ZNF536: variants seen among roughly 807,000 people sequenced by gnomAD.
The protein encoded by ZNF536 is zinc finger protein 536.
ZNF536 carries 13 observed loss-of-function variants against 84.5 expected under a neutral mutation model. The ratio of observed to expected loss-of-function variants is 0.15; its 90% CI spans 0.10 to 0.24. The LOEUF (loss-of-function observed/expected upper bound fraction) is 0.24. ZNF536 is among the 10% of genes least tolerant of loss of function. The pLI, the probability that ZNF536 is intolerant of heterozygous loss-of-function variation, is 1.00. For missense variants in ZNF536, 1,536 were observed against 1,747.5 expected, an observed-to-expected ratio of 0.88 and a Z score of 2.16; for synonymous variants, 811 against 742.5, an observed-to-expected ratio of 1.09 and a Z score of -1.50.
intron 1 of ZNF536, among the ~76,000 whole-genome samples, chr19:30,621,432 C>A (rs909990615): frequency 6.6e-6 from 1 of 152,076 alleles, no homozygotes; most frequent in Admixed American, 6.6e-5. Context: ...AAGCCCAGCT[C>A]TTCTCAGTGG....
At chr19:30,662,822 T>C (rs78773558) in intron 1 of ZNF536, among the ~76,000 whole-genome samples, 3 of 151,926 alleles carry the variant, frequency 2.0e-5, no homozygotes, top group South Asian at 2.1e-4. Context: ...GCTTAGAAAA[T>C]AGACAAGGGT....
rs2052295468 is a variant in ZNF536, at chr19:30,445,677, C to T, written c.2115C>T (p.Ser705=). 2.5e-6 allele frequency: 4 copies of T among 1,604,798 alleles called. No individual in the cohort carries two copies. Among genetic ancestry groups the T allele is most frequent in the Non-Finnish European group, 3.4e-6 (4 of 1,175,072 alleles). The part of the protein sequence containing the change: ...TEESGVGGGL[S]QTGSAQEDSP... ...AGAGCGGGGTCGGAGGCGGCCTCTC[C>T]CAGACCGGGAGTGCCCAGGAGGACA... is the stretch of plus-strand genomic sequence containing the variant. The change falls in exon 2 of 5, where the codon TCC becomes TCT. Residue 705 remains serine (S), a synonymous_variant. Transcript: ENST00000355537. This position sits in a 1 kb window ranked among gnomAD's most constrained non-coding sequence, Gnocchi z 4.5.
chr19:30,244,331 T>G (rs2024130882), intron 1 of ZNF536, among the ~76,000 whole-genome samples: 1 of 152,070 alleles, frequency 6.6e-6, no homozygotes, highest in African/African-American at 2.4e-5. Context: ...TGCTGTTACA[T>G]TAAGGCCAAA....
chr19:30,643,216 C>A (rs1458236562), intron 1 of ZNF536, among the ~76,000 whole-genome samples: 1 of 152,148 alleles, frequency 6.6e-6, no homozygotes, highest in Non-Finnish European at 1.5e-5. Context: ...GTCCTCCATC[C>A]CAGCCTTGGC....
chr19:30,415,910 CA>C (rs1411267580), intron 1 of ZNF536, among the ~76,000 whole-genome samples: 1 of 152,122 alleles, frequency 6.6e-6, no homozygotes, highest in Non-Finnish European at 1.5e-5. Context: ...ATGCCCGGCC[CA>C]TCATCATCAT....
At chr19:30,524,395 T>G (rs1344762066) in intron 2 of ZNF536, among the ~76,000 whole-genome samples, 2 of 152,186 alleles carry the variant, frequency 1.3e-5, no homozygotes, top group African/African-American at 4.8e-5. Flanking sequence ...ACTCGGCTGG[T>G]TAAAGAGAAA....
At chr19:30,710,191 GA>G (rs915278845) in intron 1 of ZNF536, among the ~76,000 whole-genome samples, 4 of 152,168 alleles carry the variant, frequency 2.6e-5, no homozygotes, top group East Asian at 1.9e-4. Context: ...ACCCTTTATA[GA>G]AAAAAATTCA....
chr19:30,612,213 G>C (rs1464885033), intron 1 of ZNF536, among the ~76,000 whole-genome samples: 1 of 152,158 alleles, frequency 6.6e-6, no homozygotes, highest in Non-Finnish European at 1.5e-5. Flanking sequence ...ATTGTGAATG[G>C]GTGATTCGCT....
chr19:30,291,305 C>T (rs189985241), intron 2 of ZNF536, among the ~76,000 whole-genome samples: 6 of 152,320 alleles, frequency 3.9e-5, no homozygotes, highest in Non-Finnish European at 5.9e-5. Flanking sequence ...CTCCTACCAA[C>T]CATGTAAAAG....
rs577111818 is a variant in ZNF536, at chr19:30,229,139, G to GTGTTTGCC, written c.-190+473_-190+474insCTGTTTGC. ...TCTGCGTGTGCGTGTATGTATGTGT[G>GTGTTTGCC]TGTTTGCGCTGTGCTTTTAAACAGA... is the stretch of plus-strand genomic sequence containing the variant. On this transcript the variant is annotated intron_variant, in intron 1 of 5. Coordinates refer to the ZNF536 transcript ENST00000585628. Among the ~76,000 whole-genome samples, 27 of 152,274 alleles carry GTGTTTGCC rather than the reference G, an allele frequency of 1.8e-4. No homozygotes were observed. The East Asian group carries it at 5.0e-3, about 28-fold the overall frequency.
intron 2 of ZNF536, among the ~76,000 whole-genome samples, chr19:30,321,063 G>A (rs570059642): frequency 1.2e-4 from 19 of 152,250 alleles, no homozygotes; most frequent in African/African-American, 4.1e-4. Flanking sequence ...GGGCCCCCTC[G>A]CAGGCTCTGG....
At chr19:30,613,887 G>T (rs771475325) in intron 1 of ZNF536, among the ~76,000 whole-genome samples, 1 of 152,182 alleles carries the variant, frequency 6.6e-6, no homozygotes, top group Non-Finnish European at 1.5e-5. Context: ...TTCTGAGACA[G>T]TGTATCACTC....
chr19:30,282,425 G>A (rs1377249751), intron 1 of ZNF536, among the ~76,000 whole-genome samples: 2 of 152,204 alleles, frequency 1.3e-5, no homozygotes, highest in Non-Finnish European at 2.9e-5. Context: ...GCAGGAGACG[G>A]TGTTCTGATC....
intron 1 of ZNF536, among the ~76,000 whole-genome samples, chr19:30,706,715 G>A (rs1456524397): frequency 6.6e-6 from 1 of 152,040 alleles, no homozygotes; most frequent in Non-Finnish European, 1.5e-5. Flanking sequence ...TTACTCGAAA[G>A]ACTTGTCATA....
chr19:30,333,835 T>G (rs1346206731), intron 2 of ZNF536, among the ~76,000 whole-genome samples: 1 of 152,230 alleles, frequency 6.6e-6, no homozygotes, highest in East Asian at 1.9e-4. Flanking sequence ...TATGTTTATT[T>G]AACTGATGAC....
At chr19:30,361,233 G>A (rs1376954726) in intron 3 of ZNF536, among the ~76,000 whole-genome samples, 1 of 152,230 alleles carries the variant, frequency 6.6e-6, no homozygotes, top group Non-Finnish European at 1.5e-5. Flanking sequence ...GCACCCGACG[G>A]GAGAACTCTC....
intron 1 of ZNF536, among the ~76,000 whole-genome samples, chr19:30,247,249 G>A (rs377613862): frequency 2.8e-4 from 43 of 152,364 alleles, no homozygotes; most frequent in African/African-American, 9.6e-4. Flanking sequence ...ACAGGGTGGA[G>A]GCAGAAATCC....
chr19:30,333,879 G>A (rs1003593398), intron 2 of ZNF536, among the ~76,000 whole-genome samples: 3 of 152,118 alleles, frequency 2.0e-5, no homozygotes, highest in Non-Finnish European at 2.9e-5. Flanking sequence ...TGTTGAGCCC[G>A]GAATAGTGAT....
At chr19:30,269,231 G>A (rs966973651) in intron 1 of ZNF536, among the ~76,000 whole-genome samples, 36 of 152,178 alleles carry the variant, frequency 2.4e-4, no homozygotes, top group East Asian at 9.6e-4. Flanking sequence ...TGGGGAGGCC[G>A]CCCTGCACAG....
Sources: allele counts gnomAD v4.1 joint callset (sites outside exome capture counted in the v4.1 genomes callset), GRCh38; gene constraint gnomAD v4.1.1; non-coding constraint Gnocchi (gnomAD v3.1); transcripts MANE v1.5; gene names NCBI Gene and HGNC (gene_info 2026-07-23, HGNC 2026-07-21).